The following KEAP1 variants were observed in gnomAD, a reference collection of about 807,000 sequenced individuals.
KEAP1 encodes kelch-like ECH-associated protein 1.
In KEAP1, 26 loss-of-function variants were observed where a neutral mutation model predicts 59.7. That is an observed-to-expected ratio of 0.44 (90% CI 0.32 to 0.60). The LOEUF (loss-of-function observed/expected upper bound fraction) is 0.60, where lower values mean the gene tolerates loss of function less well. Among genes scored for constraint, KEAP1 ranks in the 20% least tolerant of loss-of-function variants. The probability of loss-of-function intolerance (pLI) is 0.06; values close to 1 mark genes in which losing one functional copy is unlikely to be tolerated. For missense variants in KEAP1, 539 were observed against 871.4 expected, an observed-to-expected ratio of 0.62 and a Z score of 4.80; for synonymous variants, 350 against 358.3, an observed-to-expected ratio of 0.98 and a Z score of 0.26.
chr19:10,492,503 G>C, intron 2 of KEAP1: 1 of 504,612 alleles, frequency 2.0e-6, no homozygotes, highest in South Asian at 2.1e-5. Context: ...CGGATCACGA[G>C]GTCAGGAGTT....
chr19:10,491,956 C>T lies in KEAP1; in HGVS notation c.946G>A (p.Val316Met), dbSNP rs752529562. Residue 316 changes from valine (V) to methionine (M), a missense_variant, in exon 3 of 6, where the codon GTG becomes ATG. Physicochemically the swap from Val to Met is conservative, Grantham distance 21. Transcript: ENST00000171111. The surrounding 1 kb of genome is among the most constrained non-coding windows in gnomAD (Gnocchi z 5.2). The stretch of plus-strand genomic sequence containing the variant: ...ACCTTGGGCGCCCGGCAGGGCATCA[C>T]CTGCGTGGGCTTGTGCAGGGTGAGC... ...EELTLHKPTQ[V>M]MPCRAPKVGR... is the part of the protein sequence containing the mutation. The T allele has an allele frequency of 3.1e-6, 5 of 1,613,996 alleles. No individual in the cohort carries two copies. The highest frequency in any genetic ancestry group is 2.2e-5 in the South Asian group (2 of 91,088).
At chr19:10,493,927 G>A (rs1037153216) in intron 2 of KEAP1, among the ~76,000 whole-genome samples, 23 of 151,662 alleles carry the variant, frequency 1.5e-4, no homozygotes, top group Non-Finnish European at 2.7e-4. Context: ...GATTACAGGC[G>A]TGAGCCACCG....
rs78301310 is a variant in KEAP1, at chr19:10,498,675, G to A, written c.639+720C>T. On this transcript the variant is annotated intron_variant, in intron 2 of 5. Coordinates refer to ENST00000171111, the MANE Select transcript of KEAP1 (RefSeq NM_203500.2). Reference sequence around the variant, plus strand: ...TAAACATTTGCTGACTGCCCGAAAGGCTGGGCTACCCTAGGATTTGGCTGC... The same window carrying A: ...TAAACATTTGCTGACTGCCCGAAAGACTGGGCTACCCTAGGATTTGGCTGC... Among the ~76,000 whole-genome samples, 3,058 of 152,200 alleles carry A rather than the reference G, an allele frequency of 0.02. 250 individuals are homozygous for A. In the East Asian group the frequency reaches 0.29, roughly 14 times the overall value.
chr19:10,501,625 A>G (rs1443368101), intron 1 of KEAP1, among the ~76,000 whole-genome samples: 2 of 152,008 alleles, frequency 1.3e-5, no homozygotes, highest in African/African-American at 4.8e-5. Context: ...ACAAGACTCC[A>G]TCTCAAATAA....
intron 2 of KEAP1, among the ~76,000 whole-genome samples, chr19:10,494,054 A>G (rs909581661): frequency 6.7e-6 from 1 of 148,714 alleles, no homozygotes; most frequent in African/African-American, 2.6e-5. Flanking sequence ...CGATCTTCCC[A>G]CCTCAGCCTC....
At chr19:10,487,036 T>TAAAAAAA in intron 5 of KEAP1, among the ~76,000 whole-genome samples, 1 of 92,016 alleles carries the variant, frequency 1.1e-5, no homozygotes, top group Non-Finnish European at 2.1e-5. Context: ...AGTCTCTTAC[T>TAAAAAAA]AAAAAAAAAA....
In KEAP1 at chr19:10,489,672, T is replaced by C. The variant is rs369132814; in HGVS notation, c.1507A>G (p.Met503Val). 74 of 1,613,958 alleles carry C rather than the reference T, an allele frequency of 4.6e-5. No individual in the cohort carries two copies. The highest frequency in any genetic ancestry group is 6.2e-5 in the Non-Finnish European group (73 of 1,180,028). Reference protein sequence around the residue: ...ERNEWRMITAMNTIRSGAGVC... With the variant: ...ERNEWRMITAVNTIRSGAGVC... ...CCTGCCCCGCTTCGGATGGTGTTCA[T>C]TGCTGTGATCATTCGCCACTCGTTC... The change falls in exon 4 of 6, where the codon ATG becomes GTG. Residue 503 changes from methionine (M) to valine (V), a missense_variant. Around this residue, in one of 4 missense-constraint regions of KEAP1, gnomAD observed 311 missense variants for 425.2 expected, o/e 0.73. Coordinates refer to ENST00000171111, the MANE Select transcript of KEAP1 (RefSeq NM_203500.2).
intron 5 of KEAP1, among the ~76,000 whole-genome samples, chr19:10,488,290 A>AAAAAT (rs909633521): frequency 3.3e-5 from 5 of 151,976 alleles, no homozygotes; most frequent in Admixed American, 1.3e-4. Context: ...TCTGTCTCAA[A>AAAAAT]AAAATAAAAT....
chr19:10,492,367 T>G (rs936167216), intron 2 of KEAP1, 105 bp from the exon 3 acceptor site: 1 of 782,496 alleles, frequency 1.3e-6, no homozygotes, highest in African/African-American at 1.7e-5. Context: ...AGTCTCAGCT[T>G]CCTTATCTGC....
Position 10,491,939 on chromosome 19 carries a change from C to T in KEAP1, c.963G>A (p.Ala321=), listed in dbSNP as rs759766393. 3 of 1,592,614 alleles carry T rather than the reference C, an allele frequency of 1.9e-6. No individual in the cohort carries two copies. The highest frequency in any genetic ancestry group is 2.6e-6 in the Non-Finnish European group (3 of 1,169,248). ...TGTAGATCAGGCGGCCCACCTTGGG[C>T]GCCCGGCAGGGCATCACCTGCGTGG... ...HKPTQVMPCR[A]PKVGRLIYTA... The change falls in exon 3 of 6, where the codon GCG becomes GCA. Residue 321 remains alanine (A), a synonymous_variant. Transcript: ENST00000171111. This position sits in a 1 kb window ranked among gnomAD's most constrained non-coding sequence, Gnocchi z 5.2.
intron 5 of KEAP1, among the ~76,000 whole-genome samples, chr19:10,488,597 T>G (rs937137957): frequency 1.4e-5 from 2 of 138,076 alleles, no homozygotes; most frequent in Admixed American, 7.5e-5. Flanking sequence ...GGCAACAGAC[T>G]GAGACTCTGT....
rs757280390 is a variant in KEAP1 at position 10,492,140 on chromosome 19, C to T, written c.762G>A (p.Lys254=). ...EVFHACINWV[K]YDCEQRRFYV... ...AGAACCGTCGCTGTTCGCAGTCGTA[C>T]TTGACCCAGTTGATGCAGGCGTGGA... is the stretch of plus-strand genomic sequence containing the variant. The change falls in exon 3 of 6, where the codon AAG becomes AAA. Residue 254 remains lysine (K), a synonymous_variant. Transcript: ENST00000171111. 6.2e-7 allele frequency: 1 copy of T among 1,614,078 alleles called. No homozygotes were observed.
At position 10,499,696 on chromosome 19, in the gene KEAP1, T is replaced by C. The variant is rs2144627649; in HGVS notation, c.338A>G (p.Asn113Ser). The change falls in exon 2 of 6, where the codon AAC (asparagine) becomes AGC (serine). Residue 113 changes from asparagine to serine, a missense_variant. By Grantham distance (46) the Asn-to-Ser change is conservative (BLOSUM62 1). Coordinates refer to ENST00000171111, the MANE Select transcript of KEAP1 (RefSeq NM_203500.2). The surrounding 1 kb of genome is among the most constrained non-coding windows in gnomAD (Gnocchi z 6.7). ...CTCCATGCCCTGCTCCCGCAGCCCG[T>C]TGGTGAACATGGCCTTGAAGACAGG... ...SSPVFKAMFT[N>S]GLREQGMEVV... is the part of the protein sequence containing the mutation. The C allele has an allele frequency of 6.2e-7, 1 of 1,614,110 alleles. No individual in the cohort carries two copies. The highest frequency in any genetic ancestry group is 8.5e-7 in the Non-Finnish European group (1 of 1,180,016).
chr19:10,487,936 C>T (rs989714318), intron 5 of KEAP1, among the ~76,000 whole-genome samples: 12 of 152,048 alleles, frequency 7.9e-5, no homozygotes, highest in African/African-American at 2.7e-4. Context: ...CGAGACCAGC[C>T]TGACCAACAT....
At chr19:10,501,069 G>A (rs1161679040) in intron 1 of KEAP1, among the ~76,000 whole-genome samples, 2 of 152,238 alleles carry the variant, frequency 1.3e-5, no homozygotes, top group African/African-American at 2.4e-5. Context: ...ATTATAAAGT[G>A]GGAGGCTGGG....
intron 1 of KEAP1, among the ~76,000 whole-genome samples, chr19:10,501,869 G>C (rs962489354): frequency 3.9e-5 from 6 of 152,036 alleles, no homozygotes; most frequent in Non-Finnish European, 5.9e-5. Flanking sequence ...CAAAAGGAGT[G>C]GGGGATCTCC....
At chr19:10,489,560 A>AG in intron 4 of KEAP1, 88 bp downstream of exon 4, 1 of 1,462,154 alleles carries the variant, frequency 6.8e-7, no homozygotes, top group South Asian at 1.2e-5. Flanking sequence ...GGGTTGCAAC[A>AG]GGGGGTCTCT....
chr19:10,489,079 G>A (rs1222318785), intron 5 of KEAP1, 113 bp downstream of exon 5: 2 of 924,762 alleles, frequency 2.2e-6, no homozygotes, highest in Non-Finnish European at 3.1e-6. Flanking sequence ...GGGCAACAGA[G>A]CGAGACCTTG....
rs766062796 is a variant in KEAP1 at position 10,486,614 on chromosome 19, C to T, written c.*38G>A. On this transcript the variant is annotated 3_prime_UTR_variant, in exon 6 of 6. Transcript: ENST00000171111. ...TTTTGTACAAAAACAATGATACTCC[C>T]CATTGGACTGTATTTTTGCCCAAGA... 1.3e-6 allele frequency: 2 copies of T among 1,590,410 alleles called. No homozygotes were observed. The highest frequency in any genetic ancestry group is 8.6e-7 in the Non-Finnish European group (1 of 1,161,352).
Sources: allele counts gnomAD v4.1 joint callset (sites outside exome capture counted in the v4.1 genomes callset), GRCh38; gene constraint gnomAD v4.1.1; regional missense constraint gnomAD v4.1.1; non-coding constraint Gnocchi (gnomAD v3.1); transcripts MANE v1.5; gene names NCBI Gene and HGNC (gene_info 2026-07-23, HGNC 2026-07-21).